The following DPYSL4 variants were observed in gnomAD, a reference collection of about 807,000 sequenced individuals.
The protein encoded by DPYSL4 is dihydropyrimidinase-related protein 4.
Under a neutral mutation model 63.4 loss-of-function variants are expected in DPYSL4, and 43 were observed. The observed-to-expected ratio is 0.68, with a 90% CI of 0.53 to 0.88. The LOEUF (loss-of-function observed/expected upper bound fraction) is 0.88, where lower values mean the gene tolerates loss of function less well. Ranked by LOEUF, DPYSL4 falls within the 40% of genes least tolerant of loss-of-function variation. The probability of loss-of-function intolerance (pLI) is 0.00; values close to 1 mark genes in which losing one functional copy is unlikely to be tolerated. For missense variants in DPYSL4, 733 were observed against 819.5 expected (o/e 0.89, Z 1.29); for synonymous variants, 353 against 331.7 (o/e 1.06, Z -0.70).
chr10:132,202,846 G>A (rs1413930427), intron 12 of DPYSL4, 21 bp downstream of exon 12: 3 of 1,565,646 alleles, frequency 1.9e-6, no homozygotes, highest in Non-Finnish European at 2.6e-6. Context: ...ACCCGCAAGG[G>A]TGTTGTGCAG....
At chr10:132,204,024 A>C in intron 13 of DPYSL4, 97 bp downstream of exon 13, 3 of 1,448,882 alleles carry the variant, frequency 2.1e-6, no homozygotes. Flanking sequence ...GAGGGGCTGC[A>C]CACGGAAGGC....
chr10:132,197,146 G>A (rs755004641), intron 6 of DPYSL4, 45 bp downstream of exon 6: 22 of 1,446,026 alleles, frequency 1.5e-5, no homozygotes, highest in Middle Eastern at 2.5e-4. Flanking sequence ...AGGGGCTGCC[G>A]TGGGGCAGGG....
chr10:132,203,452 G>A (rs531261058), intron 12 of DPYSL4: 11 of 426,322 alleles, frequency 2.6e-5, no homozygotes, highest in African/African-American at 9.8e-5. Flanking sequence ...GTGGGGCCTC[G>A]GAGGGAGGTT....
At chr10:132,203,737 G>A (rs372694409) in intron 12 of DPYSL4, 25 bp from the exon 13 acceptor site, 5 of 1,587,230 alleles carry the variant, frequency 3.2e-6, no homozygotes, top group East Asian at 2.3e-5. Context: ...CTCATGCCCT[G>A]TCTCTGCCCC....
chr10:132,187,961 G>A (rs2061827495), intron 1 of DPYSL4, among the ~76,000 whole-genome samples: 1 of 152,178 alleles, frequency 6.6e-6, no homozygotes, highest in African/African-American at 2.4e-5. Context: ...CGGCGGGAGG[G>A]CCGTGGGGTC....
Position 132,198,411 on chromosome 10 carries a change from T to C in DPYSL4, c.622-4T>C. 6.2e-7 allele frequency: 1 copy of C among 1,604,920 alleles called. No individual in the cohort carries two copies. Among genetic ancestry groups the C allele is most frequent in the Non-Finnish European group, 8.5e-7 (1 of 1,177,064 alleles). On this transcript the variant is annotated splice_region_variant and splice_polypyrimidine_tract_variant and intron_variant, in intron 6 of 13. Transcript: ENST00000338492. ...GGAGCGAGGCATCCTGTTGGTTTCT[T>C]TAGGAGCAGAAGCGGTTGCTGGAGC...
chr10:132,200,429 G>A lies in DPYSL4; in HGVS notation c.885G>A (p.Trp295Ter), dbSNP rs754481578. 6.2e-7 allele frequency: 1 copy of A among 1,613,564 alleles called. No homozygotes were observed. The highest frequency in any genetic ancestry group is 8.5e-7 in the Non-Finnish European group (1 of 1,179,942). Reference protein sequence around the residue: ...TDGSHYWSKNWAKAAAFVTSP... With the variant: ...TDGSHYWSKN ...GTTCACACTACTGGAGCAAGAACTGGGCCAAGGCCGCAGCCTTCGTCACAT... is the reference window on the plus strand; with the variant it reads ...GTTCACACTACTGGAGCAAGAACTGAGCCAAGGCCGCAGCCTTCGTCACAT... The change falls in exon 9 of 14, where the codon TGG (tryptophan) becomes TGA (stop). Residue 295 changes from tryptophan (W) to a stop codon, truncating the protein, a stop_gained. Transcript: ENST00000338492. LOFTEE classifies it high-confidence loss of function.
At chr10:132,198,709 A>G (rs1012240517) in intron 7 of DPYSL4, 142 bp from the exon 8 acceptor site, 7 of 1,316,936 alleles carry the variant, frequency 5.3e-6, no homozygotes, top group African/African-American at 1.5e-5. Context: ...AGGCCCAGGC[A>G]CTGAGCCCGA....
Position 132,202,813 on chromosome 10 carries a change from A to G in DPYSL4, c.1449A>G (p.Lys483=), listed in dbSNP as rs1355236550. 6.3e-7 allele frequency: 1 copy of G among 1,599,282 alleles called. No homozygotes were observed. Among genetic ancestry groups the G allele is most frequent in the African/African-American group, 1.3e-5 (1 of 74,860 alleles). Residue 483 remains lysine, a synonymous_variant, in exon 12 of 14, where the codon AAA becomes AAG. Transcript: ENST00000338492. ...TFPDFVYKRI[K]ARNRLAEIHG... is the part of the protein sequence containing the mutation. ...CGGACTTTGTCTACAAGAGGATCAAAGCTCGCAACAGGGTAGGGCGGCACC... is the reference window on the plus strand; with the variant it reads ...CGGACTTTGTCTACAAGAGGATCAAGGCTCGCAACAGGGTAGGGCGGCACC...
chr10:132,188,566 CAGG>C (rs1362522308), intron 1 of DPYSL4, among the ~76,000 whole-genome samples: 1 of 152,160 alleles, frequency 6.6e-6, no homozygotes, highest in Non-Finnish European at 1.5e-5. Flanking sequence ...TGGGACTGGG[CAGG>C]AGGAGGAGAG....
At chr10:132,192,898 C>A in intron 3 of DPYSL4, 56 bp downstream of exon 3, 1 of 1,524,402 alleles carries the variant, frequency 6.6e-7, no homozygotes, top group Non-Finnish European at 8.8e-7. Context: ...CTGCCCCTCT[C>A]TCTGGCCAGG....
intron 2 of DPYSL4, among the ~76,000 whole-genome samples, chr10:132,191,300 T>C (rs1360863999): frequency 1.4e-5 from 2 of 138,362 alleles, no homozygotes; most frequent in African/African-American, 5.5e-5. Flanking sequence ...GTTGAAAGTA[T>C]GTTCCCACCT....
At chr10:132,193,278 C>T (rs1320153681) in intron 3 of DPYSL4, among the ~76,000 whole-genome samples, 1 of 152,244 alleles carries the variant, frequency 6.6e-6, no homozygotes, top group East Asian at 1.9e-4. Context: ...AGGATGGAGA[C>T]TGTATTTTTA....
rs557478282 is a variant in DPYSL4, at chr10:132,197,102, GTGCCGTGGGGCAGGGC to G, written c.621+16_621+31del. On this transcript the variant is annotated splice_donor_variant and splice_donor_5th_base_variant and intron_variant, in intron 6 of 13. Coordinates refer to ENST00000338492, the MANE Select transcript of DPYSL4 (RefSeq NM_006426.3). LOFTEE classifies it high-confidence loss of function. ...TGAGAACGGGGACATCGTGGAGGAG[GTGCCGTGGGGCAGGGC>G]TGCCGTGGGGCAGGCACAGGGGCTG... is the stretch of plus-strand genomic sequence containing the variant. 1,406 of 1,506,210 alleles carry G rather than the reference GTGCCGTGGGGCAGGGC, an allele frequency of 9.3e-4. 3 individuals carry two copies. In the African/African-American group the frequency reaches 0.011, roughly 11 times the overall value. The allele number at this position is 1,506,210 out of a possible 1,614,324, so 93.3% of individuals were successfully genotyped here.
rs781212787 is a variant in DPYSL4 at position 132,202,827 on chromosome 10, T to C, written c.1461+2T>C. 1 of 1,586,998 alleles carries C rather than the reference T, an allele frequency of 6.3e-7. No homozygotes were observed. The highest frequency in any genetic ancestry group is 1.7e-5 in the Admixed American group (1 of 58,456). On this transcript the variant is annotated splice_donor_variant, in intron 12 of 13. Transcript: ENST00000338492. LOFTEE classifies it high-confidence loss of function. ...AAGAGGATCAAAGCTCGCAACAGGG[T>C]AGGGCGGCACCCGCAAGGGTGTTGT...
rs767306362 is a variant in DPYSL4, at chr10:132,187,076, G to A, written c.13G>A (p.Gly5Ser). The A allele has an allele frequency of 3.0e-6, 4 of 1,318,218 alleles. No individual in the cohort carries two copies. The highest frequency in any genetic ancestry group is 3.4e-5 in the African/African-American group (2 of 59,692). 81.7% of individuals were successfully genotyped at this position (1,318,218 alleles called of 1,614,324 possible). A position where few individuals can be genotyped will look rare whatever the true frequency, so the allele number is the denominator to read the frequency against. MSFQ[G>S]KKSIPRITSD... ...CCCCAGGAGCAGGATGTCCTTCCAG[G>A]GCAAGAAAAGCATCCCCCGGATCAC... Residue 5 changes from glycine to serine, a missense_variant, in exon 1 of 14, where the codon GGC becomes AGC. By Grantham distance (56) the Gly-to-Ser change is moderately conservative. Coordinates refer to ENST00000338492, the MANE Select transcript of DPYSL4 (RefSeq NM_006426.3).
rs368076513 is a variant in DPYSL4 at position 132,194,833 on chromosome 10, C to G, written c.314-12C>G. ...CCAGTGGGGGAAGCTGCTGACCATG[C>G]TGCCTTCACAGTGGACCACGTCTTC... On this transcript the variant is annotated splice_polypyrimidine_tract_variant and intron_variant, in intron 3 of 13. Coordinates refer to ENST00000338492, the MANE Select transcript of DPYSL4 (RefSeq NM_006426.3). 38 of 1,609,620 alleles carry G rather than the reference C, an allele frequency of 2.4e-5. No homozygotes were observed. Among genetic ancestry groups the G allele is most frequent in the Middle Eastern group, 1.7e-4 (1 of 6,058 alleles).
At chr10:132,198,560 G>A (rs1206417149) in intron 7 of DPYSL4, 77 bp downstream of exon 7, 10 of 1,428,630 alleles carry the variant, frequency 7.0e-6, no homozygotes, top group Non-Finnish European at 9.5e-6. Flanking sequence ...TGCTGACCCT[G>A]GCCCTGGGCT....
At position 132,205,002 on chromosome 10, in the gene DPYSL4, C is replaced by A. The variant is rs1195310114; in HGVS notation, c.*72C>A. 4 of 1,242,744 alleles carry A rather than the reference C, an allele frequency of 3.2e-6. No individual in the cohort carries two copies. The highest frequency in any genetic ancestry group is 4.5e-6 in the Non-Finnish European group (4 of 892,050). The allele number at this position is 1,242,744 out of a possible 1,614,324, so 77.0% of individuals were successfully genotyped here. A position where few individuals can be genotyped will look rare whatever the true frequency, so the allele number is the denominator to read the frequency against. On this transcript the variant is annotated 3_prime_UTR_variant, in exon 14 of 14. Coordinates refer to ENST00000338492, the MANE Select transcript of DPYSL4 (RefSeq NM_006426.3). Reference sequence around the variant, plus strand: ...GCGGGGGCCCCAGGGCACTCGCCCCCCTCCTTAGCATTTTCTTTTGTAGAA... The same window carrying A: ...GCGGGGGCCCCAGGGCACTCGCCCCACTCCTTAGCATTTTCTTTTGTAGAA...
Sources: allele counts gnomAD v4.1 joint callset (sites outside exome capture counted in the v4.1 genomes callset), GRCh38; gene constraint gnomAD v4.1.1; transcripts MANE v1.5; gene names NCBI Gene and HGNC (gene_info 2026-07-23, HGNC 2026-07-21).